CFHR3: variants seen among roughly 807,000 people sequenced by gnomAD.
CFHR3 encodes the protein complement factor H related 3.
CFHR3 carries 22 observed loss-of-function variants against 36.0 expected under a neutral mutation model. The observed-to-expected ratio is 0.61, with a 90% CI of 0.44 to 0.87. The LOEUF is 0.87. Ranked by LOEUF, CFHR3 falls within the 40% of genes least tolerant of loss-of-function variation. The probability of loss-of-function intolerance (pLI) is 0.00; values close to 1 mark genes in which losing one functional copy is unlikely to be tolerated. For missense variants in CFHR3, 276 were observed against 401.3 expected (o/e 0.69, Z 2.67); for synonymous variants, 97 against 137.4 (o/e 0.71, Z 2.06).
chr1:196,782,212 A>G (rs1170079945), intron 3 of CFHR3, among the ~76,000 whole-genome samples: 1 of 136,624 alleles, frequency 7.3e-6, no homozygotes, highest in African/African-American at 3.1e-5. Context: ...GTAGCCTTGT[A>G]GTATAGTTTG....
chr1:196,794,740 C>G lies in CFHR3; in HGVS notation c.*1227C>G. The G allele has an allele frequency of 7.0e-6, 2 of 287,188 alleles. No individual in the cohort carries two copies. Among genetic ancestry groups the G allele is most frequent in the Non-Finnish European group, 6.8e-6 (1 of 147,474 alleles). 17.8% of individuals were successfully genotyped at this position (287,188 alleles called of 1,614,324 possible). ...GTTAACAAATTGAAATCTCTATTCA[C>G]TTTAATAGATTTTTACCCCCAGTTA... On this transcript the variant is annotated 3_prime_UTR_variant, in exon 6 of 6. Transcript: ENST00000367425.
At chr1:196,789,999 A>G in intron 4 of CFHR3, 46 bp from the exon 5 acceptor site, 1 of 1,219,926 alleles carries the variant, frequency 8.2e-7, no homozygotes. Flanking sequence ...GAAAGTTTCC[A>G]ATAAGACTAT....
intron 1 of CFHR3, among the ~76,000 whole-genome samples, chr1:196,777,760 G>A (rs1458279264): frequency 1.5e-5 from 2 of 135,048 alleles, no homozygotes; most frequent in Non-Finnish European, 3.1e-5. Flanking sequence ...GCCAAGGCGC[G>A]CGGATCACTT....
intron 3 of CFHR3, among the ~76,000 whole-genome samples, chr1:196,786,654 G>A (rs1054186194): frequency 7.3e-6 from 1 of 136,836 alleles, no homozygotes; most frequent in African/African-American, 3.1e-5. Flanking sequence ...TAAGCCCGTG[G>A]GAAAAGCGCA....
intron 5 of CFHR3, among the ~76,000 whole-genome samples, chr1:196,791,360 A>G (rs546639655): frequency 1.5e-5 from 2 of 136,382 alleles, no homozygotes; most frequent in Admixed American, 1.4e-4. Context: ...AAAACCTAAA[A>G]GAAAATTTGC....
At chr1:196,779,476 C>G in intron 2 of CFHR3, 120 bp downstream of exon 2, 1 of 895,254 alleles carries the variant, frequency 1.1e-6, no homozygotes, top group Non-Finnish European at 1.7e-6. Flanking sequence ...ATGAGTTGTT[C>G]AAGCAAAATG....
intron 5 of CFHR3, among the ~76,000 whole-genome samples, chr1:196,792,439 G>A (rs61339209): frequency 0.041 from 4,053 of 99,242 alleles, 1,535 homozygotes; most frequent in African/African-American, 0.19. Context: ...CTTAATACCT[G>A]GGGTATGGGT....
intron 3 of CFHR3, among the ~76,000 whole-genome samples, chr1:196,780,920 T>G (rs1468704586): frequency 7.8e-6 from 1 of 128,876 alleles, no homozygotes; most frequent in East Asian, 2.0e-4. Flanking sequence ...CATTTAGCAT[T>G]AGGTATATCT....
At chr1:196,789,426 GA>G in intron 4 of CFHR3, 1 of 916,174 alleles carries the variant, frequency 1.1e-6, no homozygotes, top group Non-Finnish European at 1.3e-6. Flanking sequence ...TCTGTGTAAA[GA>G]AAAAGGTGTA....
intron 3 of CFHR3, among the ~76,000 whole-genome samples, chr1:196,783,933 G>C (rs1468795143): frequency 7.5e-6 from 1 of 133,392 alleles, no homozygotes; most frequent in Non-Finnish European, 1.6e-5. Context: ...TTCTCTTGTG[G>C]GCATTTAGTG....
Position 196,791,043 on chromosome 1 carries a change from T to G in CFHR3, c.796+816T>G, listed in dbSNP as rs12723806. Among the ~76,000 whole-genome samples, 2 of 137,026 alleles carry G rather than the reference T, an allele frequency of 1.5e-5. 1 individual carries two copies. 89.9% of individuals were successfully genotyped at this position (137,026 alleles called of 152,430 possible). ...CTACTTGAACACATGAAATTTTTCC[T>G]GATAGAACACATAGCTGGTTAACAC... On this transcript the variant is annotated intron_variant, in intron 5 of 5. Coordinates refer to ENST00000367425, the MANE Select transcript of CFHR3 (RefSeq NM_021023.6).
intron 3 of CFHR3, among the ~76,000 whole-genome samples, chr1:196,782,315 A>G (rs1653990065): frequency 7.3e-6 from 1 of 137,208 alleles, no homozygotes; most frequent in Non-Finnish European, 1.5e-5. Context: ...TGAACTTTAA[A>G]GTACTTTTTT....
In CFHR3 at chr1:196,786,282, C is replaced by T. The variant is rs1399288793; in HGVS notation, c.431-1934C>T. ...CGACCAACTTGAGGAGGCAGTCTGC[C>T]CGTTCTCAGATCTCCAGCTGCGTGC... On this transcript the variant is annotated intron_variant, in intron 3 of 5. Transcript: ENST00000367425. 1.5e-5 allele frequency among the ~76,000 whole-genome samples: 2 copies of T among 135,506 alleles called. 1 individual carries two copies. Among genetic ancestry groups the T allele is most frequent in the African/African-American group, 6.3e-5 (2 of 31,924 alleles). 88.9% of individuals were successfully genotyped at this position (135,506 alleles called of 152,430 possible).
chr1:196,781,318 T>G lies in CFHR3; in HGVS notation c.430+1345T>G, dbSNP rs369635933. Among the ~76,000 whole-genome samples, 118 of 135,168 alleles carry G rather than the reference T, an allele frequency of 8.7e-4. 12 individuals carry two copies. The highest frequency in any genetic ancestry group is 1.2e-3 in the African/African-American group (37 of 32,002). The allele number at this position is 135,168 out of a possible 152,430, so 88.7% of individuals were successfully genotyped here. A position where few individuals can be genotyped will look rare whatever the true frequency, so the allele number is the denominator to read the frequency against. On this transcript the variant is annotated intron_variant, in intron 3 of 5. Coordinates refer to ENST00000367425, the MANE Select transcript of CFHR3 (RefSeq NM_021023.6). Reference sequence around the variant, plus strand: ...TTATAGTCCTTTGGGTATATACCCATTAATGGGATGGCTGGGTCAAATGGT... The same window carrying G: ...TTATAGTCCTTTGGGTATATACCCAGTAATGGGATGGCTGGGTCAAATGGT...
At chr1:196,783,997 G>A (rs1248535389) in intron 3 of CFHR3, among the ~76,000 whole-genome samples, 1 of 136,072 alleles carries the variant, frequency 7.3e-6, no homozygotes, top group Admixed American at 7.1e-5. Flanking sequence ...ATTCTGGTAT[G>A]TTGTGTCTTT....
intron 1 of CFHR3, 41 bp from the exon 2 acceptor site, chr1:196,779,121 T>C: frequency 7.4e-7 from 1 of 1,356,080 alleles, no homozygotes; most frequent in Non-Finnish European, 1.0e-6. Context: ...TTTATTACAG[T>C]AAAAATTATT....
At chr1:196,783,647 A>G (rs1407443688) in intron 3 of CFHR3, among the ~76,000 whole-genome samples, 1 of 134,296 alleles carries the variant, frequency 7.4e-6, no homozygotes. Flanking sequence ...ATTGGTGGTG[A>G]TATCCCCTTT....
At chr1:196,784,749 CTT>C (rs1407933633) in intron 3 of CFHR3, among the ~76,000 whole-genome samples, 2 of 135,282 alleles carry the variant, frequency 1.5e-5, no homozygotes, top group African/African-American at 6.3e-5. Context: ...GGTCTTGACT[CTT>C]TATCCAATTT....
In CFHR3 at chr1:196,778,663, A is replaced by T. The variant is rs1234192414; in HGVS notation, c.59-499A>T. Among the ~76,000 whole-genome samples, 2 of 136,602 alleles carry T rather than the reference A, an allele frequency of 1.5e-5. 1 individual carries two copies. The highest frequency in any genetic ancestry group is 6.1e-5 in the African/African-American group (2 of 32,700). 89.6% of individuals were successfully genotyped at this position (136,602 alleles called of 152,430 possible). ...TACAAACAAAATGCCACAAAACTCA[A>T]GAAAATGTTTTATTTCTGGAGATAA... is the stretch of plus-strand genomic sequence containing the variant. On this transcript the variant is annotated intron_variant, in intron 1 of 5. Coordinates refer to ENST00000367425, the MANE Select transcript of CFHR3 (RefSeq NM_021023.6).
Sources: allele counts gnomAD v4.1 joint callset (sites outside exome capture counted in the v4.1 genomes callset), GRCh38; gene constraint gnomAD v4.1.1; transcripts MANE v1.5; gene names NCBI Gene and HGNC (gene_info 2026-07-23, HGNC 2026-07-21).